Variants in QTMAN observed in about 807,000 individuals in gnomAD.
QTMAN encodes queuosine-tRNA mannosyltransferase, also known as tRNA-queuosine alpha-mannosyltransferase.
At chr2:144,283,159 A>G in the QTMAN span, among the ~76,000 whole-genome samples, 1 of 152,176 alleles carries the variant, frequency 6.6e-6, no homozygotes, top group African/African-American at 2.4e-5. Flanking sequence ...GCTGGTGGGC[A>G]CCTCCAATTT....
the QTMAN span, among the ~76,000 whole-genome samples, chr2:144,316,248 A>T: frequency 6.6e-6 from 1 of 151,884 alleles, no homozygotes; most frequent in East Asian, 1.9e-4. Context: ...AAAAAAAAAA[A>T]CGCTGCTGCT....
chr2:144,317,590 T>G, the QTMAN span: 1 of 152,164 alleles, frequency 6.6e-6, no homozygotes, highest in Non-Finnish European at 1.5e-5. Flanking sequence ...TAAAAAACAC[T>G]GGAGAAAAAG....
At chr2:144,122,845 T>C in the QTMAN span, among the ~76,000 whole-genome samples, 1 of 152,162 alleles carries the variant, frequency 6.6e-6, no homozygotes, top group Non-Finnish European at 1.5e-5. Flanking sequence ...GGCATAAAGA[T>C]TTTTGAAACT....
the QTMAN span, among the ~76,000 whole-genome samples, chr2:144,202,359 A>G: frequency 6.6e-6 from 1 of 152,210 alleles, no homozygotes. Flanking sequence ...TTTCTCCTAT[A>G]AACAAATAAA....
chr2:143,980,281 A>C, the QTMAN span, among the ~76,000 whole-genome samples: 1 of 151,934 alleles, frequency 6.6e-6, no homozygotes, highest in East Asian at 1.9e-4. Context: ...GAGAACATGC[A>C]ATGTCTGGTT....
the QTMAN span, among the ~76,000 whole-genome samples, chr2:144,104,048 C>A: frequency 6.6e-6 from 1 of 152,142 alleles, no homozygotes; most frequent in Admixed American, 6.6e-5. Flanking sequence ...CAAGACAGCA[C>A]CACTGCACTC....
the QTMAN span, among the ~76,000 whole-genome samples, chr2:144,197,733 A>G: frequency 6.6e-6 from 1 of 152,080 alleles, no homozygotes; most frequent in African/African-American, 2.4e-5. Flanking sequence ...CATTCCTACT[A>G]TTAATGTTCT....
the QTMAN span, among the ~76,000 whole-genome samples, chr2:144,040,424 G>A: frequency 6.6e-6 from 1 of 151,948 alleles, no homozygotes; most frequent in Non-Finnish European, 1.5e-5. Context: ...AATAAAAAAT[G>A]CTCAAAATTG....
At chr2:144,004,362 G>C in the QTMAN span, among the ~76,000 whole-genome samples, 2 of 152,012 alleles carry the variant, frequency 1.3e-5, no homozygotes, top group African/African-American at 4.8e-5. Flanking sequence ...CATACGATCA[G>C]GGGTCTAAAT....
chr2:144,098,243 C>G, the QTMAN span, among the ~76,000 whole-genome samples: 5 of 152,178 alleles, frequency 3.3e-5, no homozygotes, highest in Non-Finnish European at 7.3e-5. Context: ...AAAGTTTAGA[C>G]AGTAATTACA....
the QTMAN span, among the ~76,000 whole-genome samples, chr2:144,073,592 G>A: frequency 1.3e-5 from 2 of 152,318 alleles, no homozygotes; most frequent in East Asian, 3.9e-4. Context: ...GCAGGAGAAA[G>A]CAACCTGGTA....
the QTMAN span, among the ~76,000 whole-genome samples, chr2:143,977,833 A>G: frequency 0.031 from 4,746 of 152,264 alleles, 246 homozygotes; most frequent in African/African-American, 0.11. Context: ...TTTCTTTTTA[A>G]TAGAAGGAGA....
chr2:144,144,046 T>A, the QTMAN span, among the ~76,000 whole-genome samples: 1 of 152,000 alleles, frequency 6.6e-6, no homozygotes, highest in Non-Finnish European at 1.5e-5. Flanking sequence ...CAACTGATGA[T>A]GAAGTACACT....
the QTMAN span, among the ~76,000 whole-genome samples, chr2:144,173,205 T>C: frequency 5.3e-5 from 8 of 152,144 alleles, no homozygotes. Flanking sequence ...TCATCTCTGG[T>C]GTAAAAAAGA....
At chr2:144,290,057 C>T in the QTMAN span, among the ~76,000 whole-genome samples, 98 of 152,288 alleles carry the variant, frequency 6.4e-4, no homozygotes, top group Admixed American at 1.9e-3. Context: ...ATAAGGCACG[C>T]CAAGCTGTAA....
chr2:144,127,398 G>T, the QTMAN span, among the ~76,000 whole-genome samples: 1 of 151,978 alleles, frequency 6.6e-6, no homozygotes, highest in East Asian at 1.9e-4. Context: ...ATTGCAAAAA[G>T]TTGCTGAAAA....
the QTMAN span, among the ~76,000 whole-genome samples, chr2:144,322,013 C>T: frequency 1.3e-5 from 2 of 152,144 alleles, no homozygotes; most frequent in Admixed American, 6.5e-5. Context: ...GGTATGGCAA[C>T]CACATAGGTA....
chr2:144,299,885 G>C, the QTMAN span, among the ~76,000 whole-genome samples: 1 of 152,152 alleles, frequency 6.6e-6, no homozygotes, highest in East Asian at 1.9e-4. Context: ...TGGACGAATG[G>C]AGAAATAAAA....
chr2:144,184,827 T>C, the QTMAN span, among the ~76,000 whole-genome samples: 1 of 152,136 alleles, frequency 6.6e-6, no homozygotes, highest in African/African-American at 2.4e-5. Context: ...CATATACCTA[T>C]ATAGTTAGAA....
Sources: gnomAD v4.1 joint callset for allele counts (sites outside exome capture counted in the v4.1 genomes callset) on GRCh38, gnomAD v4.1.1 for gene constraint, MANE v1.5 for transcripts, NCBI Gene and HGNC (gene_info 2026-07-23, HGNC 2026-07-21) for gene names.